The following FBXO27 variants were observed in gnomAD, a reference collection of about 807,000 sequenced individuals.
FBXO27 encodes the protein F-box protein 27.
FBXO27 carries 28 observed loss-of-function variants against 28.3 expected under a neutral mutation model. That is an observed-to-expected ratio of 0.99 (90% CI 0.73 to 1.36). The LOEUF (loss-of-function observed/expected upper bound fraction) is 1.36. FBXO27 is among the 40% of genes most tolerant of loss of function. FBXO27 has a pLI of 0.00. For synonymous variants in FBXO27, 175 were observed against 167.3 expected (o/e 1.05, Z -0.36); for missense variants, 388 against 394.1 (o/e 0.98, Z 0.13).
chr19:39,008,853 C>A lies in FBXO27; in HGVS notation c.252+5534G>T, dbSNP rs917258267. Among the ~76,000 whole-genome samples the A allele has an allele frequency of 6.7e-4, 102 of 152,210 alleles. 1 individual carries two copies. Among genetic ancestry groups the A allele is most frequent in the Admixed American group, 6.7e-3 (102 of 15,262 alleles). ...ACGTTTGTTTTGAGACAGAGTCTCG[C>A]TCCATCGCCCAGGCTGGAGTGCAGT... On this transcript the variant is annotated intron_variant, in intron 2 of 2. Coordinates refer to the FBXO27 transcript ENST00000598394.
chr19:39,011,357 G>A (rs2072793026), intron 2 of FBXO27, among the ~76,000 whole-genome samples: 1 of 152,176 alleles, frequency 6.6e-6, no homozygotes, highest in African/African-American at 2.4e-5. Context: ...GCTTGAACCT[G>A]GGAGGCGGAG....
downstream of FBXO27, among the ~76,000 whole-genome samples, chr19:39,023,185 C>T (rs1001621071): frequency 7.2e-5 from 11 of 152,174 alleles, no homozygotes; most frequent in Non-Finnish European, 1.3e-4. Context: ...ATCCACCTGC[C>T]GCGGTCCCCC....
chr19:39,019,341 C>T (rs540741538), downstream of FBXO27, among the ~76,000 whole-genome samples: 156 of 138,530 alleles, frequency 1.1e-3, 1 homozygote, highest in Non-Finnish European at 1.8e-3. Context: ...AAGAGAATGG[C>T]GTGAACCCAG....
intron 2 of FBXO27, among the ~76,000 whole-genome samples, chr19:39,013,023 T>G (rs8105050): frequency 0.82 from 125,063 of 152,056 alleles, 51,483 homozygotes; most frequent in Middle Eastern, 0.88. Flanking sequence ...TTTCAAAATG[T>G]TTTTCTATAA....
chr19:39,012,985 GAACA>G (rs1009895952), intron 2 of FBXO27, among the ~76,000 whole-genome samples: 4 of 59,222 alleles, frequency 6.8e-5, no homozygotes, highest in Non-Finnish European at 8.7e-5. Context: ...ACAAACAAAC[GAACA>G]AACAAACAAC....
chr19:39,029,481 C>T (rs796071566), intron 4 of FBXO27, among the ~76,000 whole-genome samples: 4 of 151,254 alleles, frequency 2.6e-5, no homozygotes, highest in African/African-American at 9.7e-5. Context: ...CCAATGGCCA[C>T]TTTGCCTGGC....
intron 2 of FBXO27, among the ~76,000 whole-genome samples, chr19:39,010,954 T>C (rs1019814026): frequency 6.6e-6 from 1 of 152,246 alleles, no homozygotes; most frequent in Non-Finnish European, 1.5e-5. Flanking sequence ...TGTCCAACAT[T>C]ACTTATGCCA....
intron 2 of FBXO27, among the ~76,000 whole-genome samples, chr19:39,012,162 C>T (rs2072798453): frequency 6.8e-6 from 1 of 146,332 alleles, no homozygotes; most frequent in South Asian, 2.2e-4. Flanking sequence ...TGATTTGTAT[C>T]CCAAAAATGT....
rs1470083462 is a variant in FBXO27 at position 39,032,030 on chromosome 19, C to G, written c.198G>C (p.Leu66=). 6.5e-7 allele frequency: 1 copy of G among 1,527,436 alleles called. No homozygotes were observed. Among genetic ancestry groups the G allele is most frequent in the African/African-American group, 1.4e-5 (1 of 69,594 alleles). The allele number at this position is 1,527,436 out of a possible 1,614,324, so 94.6% of individuals were successfully genotyped here. A position where few individuals can be genotyped will look rare whatever the true frequency, so the allele number is the denominator to read the frequency against. Residue 66 remains leucine (L), a synonymous_variant, in exon 2 of 6, where the codon CTG becomes CTC. Coordinates refer to ENST00000292853, the MANE Select transcript of FBXO27 (RefSeq NM_178820.5). This position sits in a 1 kb window ranked among gnomAD's most constrained non-coding sequence, Gnocchi z 4.7. The part of the protein sequence containing the change: ...GWRALVDGQA[L]WLLILARDHG... ...GGTCGCGGGCCAGGATCAGCAGCCA[C>G]AGGGCCTGGCCGTCCACCAGGGCTC... is the stretch of plus-strand genomic sequence containing the variant.
intron 2 of FBXO27, among the ~76,000 whole-genome samples, chr19:39,013,602 C>G (rs1189097674): frequency 1.3e-5 from 2 of 150,508 alleles, no homozygotes; most frequent in Non-Finnish European, 3.0e-5. Flanking sequence ...TGCACTCCAG[C>G]ATGGGTGACA....
In FBXO27 at chr19:39,032,067, C is replaced by A; in HGVS notation, c.161G>T (p.Cys54Phe). 6.5e-7 allele frequency: 1 copy of A among 1,532,580 alleles called. No individual in the cohort carries two copies. 94.9% of individuals were successfully genotyped at this position (1,532,580 alleles called of 1,614,324 possible). A position where few individuals can be genotyped will look rare whatever the true frequency, so the allele number is the denominator to read the frequency against. The stretch of plus-strand genomic sequence containing the variant: ...GTCCACCAGGGCTCGCCAGCCCCGG[C>A]ACACTTGGCGGCAGCGCCCGAGCAG... ...RTLLGRCRQVCRGWRALVDGQ... is the reference protein window; with the variant it reads ...RTLLGRCRQVFRGWRALVDGQ... Residue 54 changes from cysteine to phenylalanine, a missense_variant, in exon 2 of 6, where the codon TGC becomes TTC. Cys to Phe is a radical substitution (Grantham distance 205). Coordinates refer to ENST00000292853, the MANE Select transcript of FBXO27 (RefSeq NM_178820.5). The surrounding 1 kb of genome is among the most constrained non-coding windows in gnomAD (Gnocchi z 4.7).
At chr19:39,019,451 A>G (rs1303940681), downstream of FBXO27, among the ~76,000 whole-genome samples, 10 of 125,172 alleles carry the variant, frequency 8.0e-5, no homozygotes, top group African/African-American at 1.3e-4. Flanking sequence ...AAAAAAAAAA[A>G]AAAAAAAAAA....
downstream of FBXO27, among the ~76,000 whole-genome samples, chr19:39,023,363 C>G (rs1444068500): frequency 6.6e-6 from 1 of 152,142 alleles, no homozygotes; most frequent in Non-Finnish European, 1.5e-5. Context: ...TTTGAGCTGG[C>G]CGGCAATAGA....
intron 2 of FBXO27, among the ~76,000 whole-genome samples, 175 bp downstream of exon 2, chr19:39,031,689 G>GACACCTCACACC (rs1424624614): frequency 6.0e-4 from 91 of 150,474 alleles, no homozygotes; most frequent in South Asian, 1.1e-3. Context: ...CCGCCCCTCC[G>GACACCTCACACC]GCACCTCACA....
chr19:39,009,167 A>G (rs1166522275), intron 2 of FBXO27, among the ~76,000 whole-genome samples: 1 of 152,162 alleles, frequency 6.6e-6, no homozygotes, highest in East Asian at 1.9e-4. Context: ...TGGATGGACC[A>G]CTTTTGGTTT....
At chr19:39,007,070 A>AAC (rs1229048112) in intron 2 of FBXO27, among the ~76,000 whole-genome samples, 3 of 150,164 alleles carry the variant, frequency 2.0e-5, no homozygotes, top group East Asian at 1.9e-4. Flanking sequence ...AAAAAAAAAA[A>AAC]AAAAAAAATA....
At chr19:39,017,925 T>C (rs2072827168) in intron 1 of FBXO27, among the ~76,000 whole-genome samples, 1 of 152,120 alleles carries the variant, frequency 6.6e-6, no homozygotes, top group Admixed American at 6.6e-5. Flanking sequence ...CTCAAGTCCT[T>C]ATATAAAATG....
intron 2 of FBXO27, 83 bp downstream of exon 2, chr19:39,031,781 T>A: frequency 7.5e-7 from 1 of 1,341,694 alleles, no homozygotes; most frequent in Non-Finnish European, 9.5e-7. Context: ...CTAGTACCGG[T>A]CCCAGTGCGG....
chr19:39,018,899 T>C (rs2072831619), intron 1 of FBXO27, among the ~76,000 whole-genome samples: 1 of 151,076 alleles, frequency 6.6e-6, no homozygotes, highest in African/African-American at 2.4e-5. Context: ...CGAAACCCTG[T>C]CTCTACCAAA....
Sources: gnomAD v4.1 joint callset for allele counts (sites outside exome capture counted in the v4.1 genomes callset) on GRCh38, gnomAD v4.1.1 for gene constraint, Gnocchi (gnomAD v3.1) non-coding constraint, MANE v1.5 for transcripts, NCBI Gene and HGNC (gene_info 2026-07-23, HGNC 2026-07-21) for gene names.